MAGI1: variants seen among roughly 807,000 people sequenced by gnomAD.
MAGI1 encodes membrane associated guanylate kinase, WW and PDZ domain containing 1.
MAGI1 carries 58 observed loss-of-function variants against 139.9 expected under a neutral mutation model. That is an observed-to-expected ratio of 0.41 (90% CI 0.34 to 0.52). The LOEUF is 0.52. Among genes scored for constraint, MAGI1 ranks in the 20% least tolerant of loss-of-function variants. The pLI, the probability that MAGI1 is intolerant of heterozygous loss-of-function variation, is 0.12. For missense variants in MAGI1, 1,874 were observed against 1,901.6 expected (o/e 0.99, Z 0.27); for synonymous variants, 812 against 737.9 (o/e 1.10, Z -1.63).
At chr3:65,593,142 T>TA (rs2106762022) in intron 2 of MAGI1, among the ~76,000 whole-genome samples, 1 of 149,150 alleles carries the variant, frequency 6.7e-6, no homozygotes. Context: ...TTAAGCCTCA[T>TA]AAAAAGGAGT....
intron 1 of MAGI1, among the ~76,000 whole-genome samples, chr3:65,901,326 G>A (rs1203678906): frequency 6.6e-6 from 1 of 152,212 alleles, no homozygotes; most frequent in South Asian, 2.1e-4. Context: ...CAGAGAAAGT[G>A]TATGGATGAC....
At chr3:65,918,290 T>C (rs1029407885) in intron 1 of MAGI1, among the ~76,000 whole-genome samples, 10 of 152,138 alleles carry the variant, frequency 6.6e-5, no homozygotes, top group Non-Finnish European at 1.5e-5. Context: ...CTCAGGTCAA[T>C]TTTCTGCACT....
chr3:65,701,689 T>C (rs1379913368), intron 1 of MAGI1, among the ~76,000 whole-genome samples: 1 of 152,144 alleles, frequency 6.6e-6, no homozygotes, highest in African/African-American at 2.4e-5. Context: ...TAGGAAGAGC[T>C]TGAATAAGAA....
chr3:66,000,403 T>C (rs2066682589), intron 1 of MAGI1, among the ~76,000 whole-genome samples: 1 of 152,136 alleles, frequency 6.6e-6, no homozygotes, highest in African/African-American at 2.4e-5. Flanking sequence ...CTCCATCTCT[T>C]TCTTCCTACC....
intron 6 of MAGI1, among the ~76,000 whole-genome samples, chr3:65,450,531 T>G (rs1474228326): frequency 3.3e-5 from 5 of 152,138 alleles, no homozygotes; most frequent in African/African-American, 1.2e-4. Context: ...ACTTTGTATA[T>G]TACGTAATTT....
At chr3:66,029,914 C>T (rs1325014159) in intron 1 of MAGI1, among the ~76,000 whole-genome samples, 1 of 152,156 alleles carries the variant, frequency 6.6e-6, no homozygotes, top group Non-Finnish European at 1.5e-5. Context: ...TTTGGATCAG[C>T]CACCTGGTAC....
At chr3:65,392,099 C>T (rs982820059) in intron 13 of MAGI1, among the ~76,000 whole-genome samples, 1 of 152,166 alleles carries the variant, frequency 6.6e-6, no homozygotes, top group African/African-American at 2.4e-5. Flanking sequence ...AGATCTGCAA[C>T]TTCTCCAAAG....
intron 1 of MAGI1, among the ~76,000 whole-genome samples, chr3:65,737,214 C>T (rs1444395978): frequency 1.3e-5 from 2 of 152,082 alleles, no homozygotes; most frequent in African/African-American, 2.4e-5. Flanking sequence ...CGTGTTATAG[C>T]CAGGATGGTC....
intron 1 of MAGI1, among the ~76,000 whole-genome samples, chr3:65,894,488 T>C (rs1202030967): frequency 6.6e-6 from 1 of 152,194 alleles, no homozygotes; most frequent in Non-Finnish European, 1.5e-5. Flanking sequence ...ATATAAATTA[T>C]CAAATTTGGA....
At chr3:66,021,677 G>A (rs1207642036) in intron 1 of MAGI1, among the ~76,000 whole-genome samples, 2 of 152,178 alleles carry the variant, frequency 1.3e-5, no homozygotes, top group Non-Finnish European at 2.9e-5. Flanking sequence ...GATCCCGTAG[G>A]TCTGGGATGG....
chr3:65,928,881 ATGAC>A (rs2062655204), intron 1 of MAGI1, among the ~76,000 whole-genome samples: 1 of 152,194 alleles, frequency 6.6e-6, no homozygotes, highest in African/African-American at 2.4e-5. Context: ...GACCCCGAAG[ATGAC>A]TGAAACAGTT....
At chr3:65,462,510 C>A (rs565832491) in intron 5 of MAGI1, among the ~76,000 whole-genome samples, 39 of 152,218 alleles carry the variant, frequency 2.6e-4, no homozygotes, top group Admixed American at 2.6e-3. Context: ...TATGCTGTTT[C>A]GGTTACTGTA....
At chr3:65,868,208 T>C (rs530231495) in intron 1 of MAGI1, among the ~76,000 whole-genome samples, 1 of 152,198 alleles carries the variant, frequency 6.6e-6, no homozygotes, top group East Asian at 1.9e-4. Flanking sequence ...GAGGTTTACC[T>C]TGAGGCAAAA....
At chr3:66,006,797 A>G (rs1047772145) in intron 1 of MAGI1, among the ~76,000 whole-genome samples, 3 of 140,906 alleles carry the variant, frequency 2.1e-5, no homozygotes, top group African/African-American at 8.0e-5. Flanking sequence ...CCTCTCTTTG[A>G]AGAACATGGT....
intron 1 of MAGI1, among the ~76,000 whole-genome samples, chr3:65,879,229 G>A (rs1027633344): frequency 2.3e-4 from 35 of 151,956 alleles, no homozygotes; most frequent in Admixed American, 1.8e-3. Flanking sequence ...AGGTGGAAGC[G>A]GAGAGCAAAG....
intron 1 of MAGI1, among the ~76,000 whole-genome samples, chr3:65,697,347 A>ATTC (rs2089295019): frequency 6.7e-6 from 1 of 149,636 alleles, no homozygotes; most frequent in Non-Finnish European, 1.5e-5. Context: ...CAATAGAAAA[A>ATTC]GAGGGAATCC....
chr3:65,747,749 T>A (rs542309960), intron 1 of MAGI1, among the ~76,000 whole-genome samples: 1 of 152,124 alleles, frequency 6.6e-6, no homozygotes, highest in African/African-American at 2.4e-5. Flanking sequence ...AAGGCGTCCA[T>A]GGAGACTCTA....
intron 1 of MAGI1, among the ~76,000 whole-genome samples, chr3:65,633,647 G>T (rs1880525): frequency 0.052 from 7,941 of 152,150 alleles, 422 homozygotes; most frequent in African/African-American, 0.13. Flanking sequence ...AGGTTTAAAT[G>T]CCATCATCTT....
rs577606995 is a variant in MAGI1 at position 65,527,106 on chromosome 3, A to G, written c.431-33475T>C. Among the ~76,000 whole-genome samples the G allele has an allele frequency of 3.3e-5, 5 of 152,332 alleles. No homozygotes were observed. The South Asian group carries it at 1.0e-3, about 32-fold the overall frequency. ...TCTTGACTTCTCAAACAGCCAACCT[A>G]AATCACTGCTTTTAGGCTGAGATTG... On this transcript the variant is annotated intron_variant, in intron 2 of 22. Coordinates refer to ENST00000402939, the MANE Select transcript of MAGI1 (RefSeq NM_001033057.2).
Sources: gnomAD v4.1 joint callset for allele counts (sites outside exome capture counted in the v4.1 genomes callset) on GRCh38, gnomAD v4.1.1 for gene constraint, MANE v1.5 for transcripts, NCBI Gene and HGNC (gene_info 2026-07-23, HGNC 2026-07-21) for gene names.